DAP3: variants seen among roughly 807,000 people sequenced by gnomAD.
DAP3 encodes death associated protein 3.
DAP3 carries 28 observed loss-of-function variants against 51.9 expected under a neutral mutation model. The observed-to-expected ratio is 0.54, with a 90% CI of 0.40 to 0.74. DAP3 has a LOEUF of 0.74. Ranked by LOEUF, DAP3 falls within the 30% of genes least tolerant of loss-of-function variation. The pLI is 0.00. For synonymous variants in DAP3, 170 were observed against 170.3 expected, an observed-to-expected ratio of 1.00 and a Z score of 0.01; for missense variants, 458 against 483.5, an observed-to-expected ratio of 0.95 and a Z score of 0.49.
intron 5 of DAP3, 73 bp downstream of exon 5, chr1:155,725,563 GA>G: frequency 6.3e-6 from 9 of 1,421,606 alleles, no homozygotes; most frequent in Non-Finnish European, 7.9e-6. Flanking sequence ...CAGAAGAAAT[GA>G]AAAAAAGTAC....
Position 155,729,300 on chromosome 1 carries a change from A to G in DAP3, c.777A>G (p.Leu259=), listed in dbSNP as rs779341692. Residue 259 remains leucine, a synonymous_variant, in exon 9 of 13, where the codon CTA becomes CTG. Transcript: ENST00000368336. The part of the protein sequence containing the change: ...RQSSLGMFHL[L]VAVDGINALW... ...GTTCTTTGGGTATGTTTCACCTCCT[A>G]GTGGCCGTGGATGGAATCAATGCTC... 2.5e-6 allele frequency: 4 copies of G among 1,614,168 alleles called. No homozygotes were observed. Among genetic ancestry groups the G allele is most frequent in the Non-Finnish European group, 2.5e-6 (3 of 1,180,026 alleles).
intron 11 of DAP3, among the ~76,000 whole-genome samples, chr1:155,734,551 C>T (rs879463372): frequency 3.9e-5 from 6 of 152,090 alleles, no homozygotes; most frequent in Admixed American, 6.6e-5. Context: ...CTTCCCATGC[C>T]CAGCCCTGGA....
intron 1 of DAP3, among the ~76,000 whole-genome samples, chr1:155,708,111 G>C (rs1367878707): frequency 6.6e-6 from 1 of 152,132 alleles, no homozygotes; most frequent in South Asian, 2.1e-4. Flanking sequence ...GCAATGGCAC[G>C]ATCTCGGCTC....
At chr1:155,701,909 T>C (rs1655335806) in intron 1 of DAP3, among the ~76,000 whole-genome samples, 1 of 150,242 alleles carries the variant, frequency 6.7e-6, no homozygotes, top group Non-Finnish European at 1.5e-5. Context: ...GCAGGTTTCG[T>C]AGTGCTTTTA....
intron 11 of DAP3, among the ~76,000 whole-genome samples, chr1:155,735,511 A>G (rs983974847): frequency 8.6e-5 from 13 of 151,714 alleles, no homozygotes; most frequent in African/African-American, 2.9e-4. Context: ...CAGGAGGCAG[A>G]GGTTGCAGTG....
At chr1:155,711,437 G>T (rs903332766) in intron 2 of DAP3, among the ~76,000 whole-genome samples, 2 of 151,958 alleles carry the variant, frequency 1.3e-5, no homozygotes, top group Non-Finnish European at 2.9e-5. Context: ...AGGTTGCAGT[G>T]AGCCAAGATC....
At chr1:155,708,874 T>C (rs190994841) in intron 1 of DAP3, among the ~76,000 whole-genome samples, 11 of 151,930 alleles carry the variant, frequency 7.2e-5, no homozygotes, top group African/African-American at 2.7e-4. Flanking sequence ...CTAGCTATTT[T>C]TTTGCATTTT....
chr1:155,688,679 G>A (rs904200988), upstream of DAP3: 10 of 1,531,110 alleles, frequency 6.5e-6, no homozygotes, highest in African/African-American at 9.6e-5. Flanking sequence ...GCGAGCCCAA[G>A]CCTTCTCCAC....
chr1:155,709,711 A>G (rs1234490414), intron 1 of DAP3, 62 bp from the exon 2 acceptor site: 1 of 1,450,498 alleles, frequency 6.9e-7, no homozygotes, highest in Non-Finnish European at 9.5e-7. Context: ...TCAGTTTTCC[A>G]TGTTGCACAC....
At chr1:155,688,199 C>T (rs372348521), upstream of DAP3, 74 of 1,613,948 alleles carry the variant, frequency 4.6e-5, no homozygotes, top group Non-Finnish European at 5.4e-5. Context: ...GCGGGTAAGC[C>T]GACTGGCGGA....
chr1:155,738,072 TGG>T, intron 12 of DAP3, 83 bp from the exon 13 acceptor site: 2 of 1,308,568 alleles, frequency 1.5e-6, no homozygotes, highest in Non-Finnish European at 2.2e-6. Context: ...AATTTGGATA[TGG>T]TAGCCTCTGA....
intron 3 of DAP3, among the ~76,000 whole-genome samples, chr1:155,719,178 G>C (rs1454100414): frequency 6.6e-6 from 1 of 151,564 alleles, no homozygotes; most frequent in Non-Finnish European, 1.5e-5. Context: ...GATCACTTGA[G>C]CTTAGGAGTT....
chr1:155,688,174 G>C, upstream of DAP3: 3 of 1,614,040 alleles, frequency 1.9e-6, no homozygotes, highest in Non-Finnish European at 2.5e-6. Context: ...CCTCCCGCTT[G>C]TCAGGAGGCG....
chr1:155,701,927 A>G (rs1203480793), intron 1 of DAP3, among the ~76,000 whole-genome samples: 2 of 150,632 alleles, frequency 1.3e-5, no homozygotes, highest in Non-Finnish European at 2.9e-5. Flanking sequence ...TTAAACAGGA[A>G]GTCTCAGAAC....
rs754599105 is a variant in DAP3, at chr1:155,727,701, A to C, written c.566A>C (p.Lys189Thr). 6.2e-7 allele frequency: 1 copy of C among 1,613,874 alleles called. No individual in the cohort carries two copies. Among genetic ancestry groups the C allele is most frequent in the Non-Finnish European group, 8.5e-7 (1 of 1,179,884 alleles). The change falls in exon 7 of 13, where the codon AAG becomes ACG. Residue 189 changes from lysine to threonine, a missense_variant. Transcript: ENST00000368336. ...DQPLEASTWL[K>T]NFKTTNERFL... Reference sequence around the variant, plus strand: ...CCTTTAGAGGCTTCAACCTGGCTGAAGAATTTCAAAACTACAAATGAGCGC... The same window carrying C: ...CCTTTAGAGGCTTCAACCTGGCTGACGAATTTCAAAACTACAAATGAGCGC...
intron 2 of DAP3, chr1:155,710,635 G>A (rs1656581157): frequency 6.6e-6 from 1 of 152,220 alleles, no homozygotes; most frequent in African/African-American, 2.4e-5. Flanking sequence ...ACTACACTAA[G>A]TGATTTATTT....
At chr1:155,711,385 T>A (rs574774042) in intron 2 of DAP3, among the ~76,000 whole-genome samples, 1 of 151,790 alleles carries the variant, frequency 6.6e-6, no homozygotes, top group Non-Finnish European at 1.5e-5. Context: ...CCCAGCTACT[T>A]GGGAGGCTGA....
At chr1:155,719,692 C>T (rs752190570) in intron 3 of DAP3, among the ~76,000 whole-genome samples, 7 of 151,950 alleles carry the variant, frequency 4.6e-5, no homozygotes, top group South Asian at 2.1e-4. Flanking sequence ...GGATTACAGG[C>T]GCCTGCCACC....
intron 1 of DAP3, among the ~76,000 whole-genome samples, chr1:155,708,140 C>T (rs567199519): frequency 1.6e-4 from 25 of 152,252 alleles, no homozygotes; most frequent in Non-Finnish European, 2.8e-4. Context: ...CTCTGCCTCC[C>T]AGGTTCAAGG....
Sources: allele counts gnomAD v4.1 joint callset (sites outside exome capture counted in the v4.1 genomes callset), GRCh38; gene constraint gnomAD v4.1.1; transcripts MANE v1.5; gene names NCBI Gene and HGNC (gene_info 2026-07-23, HGNC 2026-07-21).